LRRC63: variants seen among roughly 807,000 people sequenced by gnomAD.
The protein encoded by LRRC63 is leucine rich repeat containing 63, also known as leucine-rich repeat-containing protein 63.
A neutral mutation model predicts 49.5 loss-of-function variants in LRRC63; 40 were observed. That is an observed-to-expected ratio of 0.81 (90% CI 0.63 to 1.05). The LOEUF (loss-of-function observed/expected upper bound fraction) is 1.05. LRRC63 is among the 50% of genes least tolerant of loss of function. The probability of loss-of-function intolerance (pLI) is 0.00; values close to 1 mark genes in which losing one functional copy is unlikely to be tolerated. For missense variants in LRRC63, 636 were observed against 663.1 expected, an observed-to-expected ratio of 0.96 and a Z score of 0.45; for synonymous variants, 191 against 221.1, an observed-to-expected ratio of 0.86 and a Z score of 1.21.
At chr13:46,269,576 A>C (rs1871957419) in intron 9 of LRRC63, among the ~76,000 whole-genome samples, 1 of 152,114 alleles carries the variant, frequency 6.6e-6, no homozygotes, top group African/African-American at 2.4e-5. Flanking sequence ...AAAACTTTAA[A>C]GCTTTTACAA....
exon 5 of LRRC63, chr13:46,234,282 T>G: frequency 1.3e-6 from 2 of 1,550,272 alleles, no homozygotes; most frequent in African/African-American, 2.7e-5. Context: ...TATGAAACAA[T>G]AACAGCCATG....
chr13:46,258,439 C>T (rs889328371), intron 7 of LRRC63, among the ~76,000 whole-genome samples: 10 of 151,228 alleles, frequency 6.6e-5, no homozygotes, highest in Non-Finnish European at 1.0e-4. Flanking sequence ...CTGACCTACT[C>T]TTAACTTCAG....
chr13:46,260,456 C>A (rs1266763854), intron 7 of LRRC63, among the ~76,000 whole-genome samples: 1 of 152,132 alleles, frequency 6.6e-6, no homozygotes, highest in Non-Finnish European at 1.5e-5. Flanking sequence ...ATGATTTACT[C>A]AGCACTTACG....
In LRRC63 at chr13:46,226,165, T is replaced by A. The variant is rs79238569; in HGVS notation, c.86-1347T>A. On this transcript the variant is annotated intron_variant, in intron 2 of 9. Coordinates refer to ENST00000595396, the Ensembl canonical transcript of LRRC63. ...CACTTGGCTAATTATTTTTTTTTTG[T>A]AGGGATAGGAGTATTGCTATGTTGC... 2.6e-5 allele frequency among the ~76,000 whole-genome samples: 4 copies of A among 151,702 alleles called. No homozygotes were observed. In the East Asian group the frequency reaches 7.7e-4, roughly 29 times the overall value.
intron 5 of LRRC63, among the ~76,000 whole-genome samples, chr13:46,245,507 G>A (rs778426591): frequency 4.6e-5 from 7 of 151,932 alleles, no homozygotes; most frequent in African/African-American, 7.3e-5. Flanking sequence ...TGTAGTTCTC[G>A]TACCACAACA....
intron 2 of LRRC63, among the ~76,000 whole-genome samples, chr13:46,227,254 C>T (rs116795801): frequency 0.011 from 1,684 of 152,284 alleles, 31 homozygotes; most frequent in African/African-American, 0.038. Context: ...CTTCTCTCTA[C>T]CAATTCTGTT....
chr13:46,223,536 T>C (rs1217259759), intron 2 of LRRC63, among the ~76,000 whole-genome samples: 1 of 151,926 alleles, frequency 6.6e-6, no homozygotes. Context: ...TCATTCTCTT[T>C]TAGCCTGTGA....
chr13:46,270,254 G>T, intron 9 of LRRC63: 1 of 890,468 alleles, frequency 1.1e-6, no homozygotes. Context: ...TCTTCAGAGT[G>T]GAAAAACAAT....
At chr13:46,229,765 T>C (rs1165073384) in intron 4 of LRRC63, among the ~76,000 whole-genome samples, 1 of 152,182 alleles carries the variant, frequency 6.6e-6, no homozygotes, top group Non-Finnish European at 1.5e-5. Flanking sequence ...TAGGCCATTC[T>C]TGCATTGCTA....
intron 5 of LRRC63, among the ~76,000 whole-genome samples, chr13:46,241,524 A>G (rs1194562461): frequency 6.6e-6 from 1 of 152,246 alleles, no homozygotes; most frequent in Non-Finnish European, 1.5e-5. Flanking sequence ...CTATCAACAG[A>G]GTGAACAGAC....
In LRRC63 at chr13:46,250,886, G is replaced by C. The variant is rs549318524; in HGVS notation, c.1226+395G>C. On this transcript the variant is annotated intron_variant, in intron 7 of 9. Coordinates refer to ENST00000595396, the Ensembl canonical transcript of LRRC63. ...TAATTATATATTTGATCTGGAGAAA[G>C]TAATTTAACCATTCTTGGCCTCAAT... is the stretch of plus-strand genomic sequence containing the variant. Among the ~76,000 whole-genome samples the C allele has an allele frequency of 3.9e-5, 6 of 151,930 alleles. No individual in the cohort carries two copies. The East Asian group carries it at 9.7e-4, about 24-fold the overall frequency.
At chr13:46,240,126 C>CTTTTT (rs35181820) in intron 5 of LRRC63, among the ~76,000 whole-genome samples, 1 of 120,868 alleles carries the variant, frequency 8.3e-6, no homozygotes, top group Non-Finnish European at 1.7e-5. Context: ...CTCTCTTTTT[C>CTTTTT]TTTTTTTTTT....
At chr13:46,246,970 C>T (rs2047230794) in intron 6 of LRRC63, among the ~76,000 whole-genome samples, 1 of 151,988 alleles carries the variant, frequency 6.6e-6, no homozygotes, top group Non-Finnish European at 1.5e-5. Context: ...AGTAAACATG[C>T]AGTGTTGTAA....
At chr13:46,276,844 ATATATATT>A (rs1215686601) in exon 10 of LRRC63, 11 of 148,002 alleles carry the variant, frequency 7.4e-5, no homozygotes, top group African/African-American at 3.1e-4. Context: ...ATATATATAT[ATATATATT>A]TATATATATA....
At chr13:46,217,144 C>G (rs868753696) in intron 2 of LRRC63, among the ~76,000 whole-genome samples, 10 of 152,158 alleles carry the variant, frequency 6.6e-5, no homozygotes, top group African/African-American at 2.4e-4. Context: ...AGGGAGGAGT[C>G]CCTCTTTTTC....
chr13:46,238,435 T>G (rs1566488329), intron 5 of LRRC63, among the ~76,000 whole-genome samples: 1 of 151,976 alleles, frequency 6.6e-6, no homozygotes, highest in African/African-American at 2.4e-5. Flanking sequence ...ATTGTCATAC[T>G]GCTATGAAGA....
chr13:46,228,216 TTA>T, intron 3 of LRRC63, 27 bp downstream of exon 3: 1 of 1,478,856 alleles, frequency 6.8e-7, no homozygotes, highest in Non-Finnish European at 9.1e-7. Context: ...CACGGTATAA[TTA>T]TAGAGTCAAG....
chr13:46,212,241 G>A lies in LRRC63; in HGVS notation c.-52G>A, dbSNP rs1480145852. 6.6e-6 allele frequency: 1 copy of A among 152,266 alleles called. No homozygotes were observed. Among genetic ancestry groups the A allele is most frequent in the African/African-American group, 2.4e-5 (1 of 41,436 alleles). The allele number at this position is 152,266 out of a possible 1,614,324, so 9.4% of individuals were successfully genotyped here. On this transcript the variant is annotated 5_prime_UTR_variant, in exon 1 of 10. In the 5' UTR this introduces an upstream ATG that the reference lacks. Coordinates refer to ENST00000595396, the Ensembl canonical transcript of LRRC63. ...CAGGGAGTACACCTTGAGCGCTTGTGTGCAGTTATCTTTTGGCGGTAAACG... is the reference window on the plus strand; with the variant it reads ...CAGGGAGTACACCTTGAGCGCTTGTATGCAGTTATCTTTTGGCGGTAAACG...
chr13:46,230,487 G>A (rs563785306), intron 4 of LRRC63, among the ~76,000 whole-genome samples: 1 of 152,264 alleles, frequency 6.6e-6, no homozygotes, highest in South Asian at 2.1e-4. Context: ...TAGGGAAGCC[G>A]ACTGTGTAGC....
Sources: gnomAD v4.1 joint callset for allele counts (sites outside exome capture counted in the v4.1 genomes callset) on GRCh38, gnomAD v4.1.1 for gene constraint, MANE v1.5 for transcripts, NCBI Gene and HGNC (gene_info 2026-07-23, HGNC 2026-07-21) for gene names.